The following KCND3 variants were observed in gnomAD, a reference collection of about 807,000 sequenced individuals.
The protein encoded by KCND3 is potassium voltage-gated channel subfamily D member 3.
Under a neutral mutation model 51.1 loss-of-function variants are expected in KCND3, and 9 were observed. That is an observed-to-expected ratio of 0.18 (90% CI 0.11 to 0.31). The LOEUF (loss-of-function observed/expected upper bound fraction) is 0.31. Ranked by LOEUF, KCND3 falls within the 10% of genes least tolerant of loss-of-function variation. The pLI is 1.00. For missense variants in KCND3, 526 were observed against 903.8 expected (o/e 0.58, Z 5.36); for synonymous variants, 349 against 368.0 (o/e 0.95, Z 0.59).
chr1:111,839,748 G>A (rs1383515890), intron 2 of KCND3, among the ~76,000 whole-genome samples: 1 of 152,210 alleles, frequency 6.6e-6, no homozygotes, highest in Non-Finnish European at 1.5e-5. Flanking sequence ...TTACAGATAA[G>A]GAGACAGAGG....
At chr1:111,904,928 C>T (rs1670573574) in intron 2 of KCND3, among the ~76,000 whole-genome samples, 2 of 152,298 alleles carry the variant, frequency 1.3e-5, no homozygotes, top group African/African-American at 2.4e-5. Context: ...CGTCCCTCTG[C>T]CTTGGCCACT....
intron 2 of KCND3, among the ~76,000 whole-genome samples, chr1:111,858,692 TC>T (rs932935383): frequency 2.0e-5 from 3 of 152,050 alleles, no homozygotes; most frequent in African/African-American, 7.2e-5. Context: ...GCACTGAAAG[TC>T]CCCCATCCCA....
chr1:111,809,026 TTAAA>T (rs1159568093), intron 2 of KCND3, among the ~76,000 whole-genome samples: 1 of 152,120 alleles, frequency 6.6e-6, no homozygotes, highest in Admixed American at 6.5e-5. Context: ...CTGTCTCCCT[TTAAA>T]TAGGCCTGAA....
Position 111,780,415 on chromosome 1 carries a change from A to C in KCND3, c.1372-101T>G. On this transcript the variant is annotated intron_variant, in intron 4 of 7. Coordinates refer to ENST00000302127, the MANE Select transcript of KCND3 (RefSeq NM_001378969.1). The surrounding 1 kb of genome is among the most constrained non-coding windows in gnomAD (Gnocchi z 4.2). ...AAGGTCAAAGGGCAATAGAATAATC[A>C]AATTTTTTTTTATTTGACCAAATTT... The C allele has an allele frequency of 1.6e-6, 2 of 1,241,566 alleles. No individual in the cohort carries two copies. The highest frequency in any genetic ancestry group is 2.6e-5 in the South Asian group (2 of 77,268). 76.9% of individuals were successfully genotyped at this position (1,241,566 alleles called of 1,614,324 possible).
intron 2 of KCND3, among the ~76,000 whole-genome samples, chr1:111,871,578 T>G (rs1173510767): frequency 6.6e-6 from 1 of 152,090 alleles, no homozygotes; most frequent in Non-Finnish European, 1.5e-5. Flanking sequence ...TTGTAAGGAA[T>G]GAAGGTGGAG....
At position 111,780,418 on chromosome 1, in the gene KCND3, T is replaced by A. The variant is rs1013361433; in HGVS notation, c.1372-104A>T. 3.3e-5 allele frequency: 37 copies of A among 1,119,210 alleles called. No individual in the cohort carries two copies. The East Asian group carries it at 5.6e-4, about 17-fold the overall frequency. 69.3% of individuals were successfully genotyped at this position (1,119,210 alleles called of 1,614,324 possible). A position where few individuals can be genotyped will look rare whatever the true frequency, so the allele number is the denominator to read the frequency against. On this transcript the variant is annotated intron_variant, in intron 4 of 7. Transcript: ENST00000302127. This position sits in a 1 kb window ranked among gnomAD's most constrained non-coding sequence, Gnocchi z 4.2. ...GTCAAAGGGCAATAGAATAATCAAA[T>A]TTTTTTTTATTTGACCAAATTTCAG...
At chr1:111,831,620 T>C (rs1666836130) in intron 2 of KCND3, among the ~76,000 whole-genome samples, 1 of 152,202 alleles carries the variant, frequency 6.6e-6, no homozygotes, top group Non-Finnish European at 1.5e-5. Flanking sequence ...CCATTCTATT[T>C]TTCCCTTCAA....
chr1:111,813,875 CAT>C (rs1417906486), intron 2 of KCND3, among the ~76,000 whole-genome samples: 3 of 152,236 alleles, frequency 2.0e-5, no homozygotes, highest in Non-Finnish European at 4.4e-5. Context: ...AGGCAACAAT[CAT>C]AGTATTCAAT....
chr1:111,855,514 T>A (rs933498965), intron 2 of KCND3, among the ~76,000 whole-genome samples: 5 of 152,194 alleles, frequency 3.3e-5, no homozygotes, highest in African/African-American at 1.2e-4. Flanking sequence ...CAGCCTGGCC[T>A]GAGAAGGCTG....
In KCND3 at chr1:111,780,132, T is replaced by G; in HGVS notation, c.1461+93A>C. 7.7e-7 allele frequency: 1 copy of G among 1,301,358 alleles called. No homozygotes were observed. Among genetic ancestry groups the G allele is most frequent in the East Asian group, 2.5e-5 (1 of 39,672 alleles). The allele number at this position is 1,301,358 out of a possible 1,614,324, so 80.6% of individuals were successfully genotyped here. On this transcript the variant is annotated intron_variant, in intron 5 of 7. Transcript: ENST00000302127. This position sits in a 1 kb window ranked among gnomAD's most constrained non-coding sequence, Gnocchi z 4.2. ...CTTTTGGATCTGAAGGGGACAGACT[T>G]TGACTTCTGGCCCAGAGTGAAGATG...
chr1:111,871,396 G>A (rs1368130941), intron 2 of KCND3, among the ~76,000 whole-genome samples: 1 of 152,208 alleles, frequency 6.6e-6, no homozygotes, highest in Non-Finnish European at 1.5e-5. Flanking sequence ...AGGAAATGGA[G>A]TTCAGAGCCA....
intron 2 of KCND3, among the ~76,000 whole-genome samples, chr1:111,848,353 C>T (rs1667658740): frequency 6.6e-6 from 1 of 152,336 alleles, no homozygotes. Context: ...TGGGCACCTA[C>T]AGACCATTTT....
At chr1:111,804,902 G>A (rs1044938350) in intron 2 of KCND3, among the ~76,000 whole-genome samples, 1 of 152,220 alleles carries the variant, frequency 6.6e-6, no homozygotes, top group African/African-American at 2.4e-5. Context: ...CCTTCAGTGA[G>A]GGCGGATGCT....
At chr1:111,948,723 C>T (rs953092881) in intron 2 of KCND3, among the ~76,000 whole-genome samples, 9 of 152,102 alleles carry the variant, frequency 5.9e-5, no homozygotes, top group African/African-American at 2.2e-4. Context: ...GCCCTCCTCA[C>T]TGCCAGGAGG....
chr1:111,847,515 A>C (rs948291399), intron 2 of KCND3, among the ~76,000 whole-genome samples: 1 of 152,198 alleles, frequency 6.6e-6, no homozygotes, highest in African/African-American at 2.4e-5. Context: ...TTAGATGAGC[A>C]TTTACAGTAA....
intron 2 of KCND3, among the ~76,000 whole-genome samples, chr1:111,968,600 T>C (rs1323561075): frequency 2.6e-5 from 4 of 152,150 alleles, no homozygotes; most frequent in African/African-American, 9.7e-5. Context: ...CAGGAGGATC[T>C]TCCTCCCCTA....
chr1:111,813,758 A>G (rs1665961578), intron 2 of KCND3, among the ~76,000 whole-genome samples: 1 of 152,248 alleles, frequency 6.6e-6, no homozygotes. Flanking sequence ...GGCAGGCCTC[A>G]CTGGTGGCTG....
chr1:111,779,631 AC>A (rs1367449987), intron 5 of KCND3, among the ~76,000 whole-genome samples: 1 of 132,002 alleles, frequency 7.6e-6, no homozygotes, highest in Non-Finnish European at 1.5e-5. Context: ...GGCACCCTAA[AC>A]CATGGCTCTG....
chr1:111,791,354 C>T (rs577126160), intron 2 of KCND3, among the ~76,000 whole-genome samples: 2 of 152,280 alleles, frequency 1.3e-5, no homozygotes, highest in African/African-American at 4.8e-5. Context: ...TCAAAGAAGC[C>T]GATGCTGCAA....
Sources: allele counts gnomAD v4.1 joint callset (sites outside exome capture counted in the v4.1 genomes callset), GRCh38; gene constraint gnomAD v4.1.1; non-coding constraint Gnocchi (gnomAD v3.1); transcripts MANE v1.5; gene names NCBI Gene and HGNC (gene_info 2026-07-23, HGNC 2026-07-21).